The following TRERF1 variants were observed in gnomAD, a reference collection of about 807,000 sequenced individuals.
The protein encoded by TRERF1 is transcriptional-regulating factor 1.
TRERF1 carries 27 observed loss-of-function variants against 122.9 expected under a neutral mutation model. That is an observed-to-expected ratio of 0.22 (90% CI 0.16 to 0.30). The LOEUF (loss-of-function observed/expected upper bound fraction) is 0.30. Ranked by LOEUF, TRERF1 falls within the 10% of genes least tolerant of loss-of-function variation. The pLI, the probability that TRERF1 is intolerant of heterozygous loss-of-function variation, is 1.00. For missense variants in TRERF1, 1,248 were observed against 1,560.3 expected, an observed-to-expected ratio of 0.80 and a Z score of 3.37; for synonymous variants, 636 against 641.7, an observed-to-expected ratio of 0.99 and a Z score of 0.13.
intron 12 of TRERF1, among the ~76,000 whole-genome samples, chr6:42,255,824 T>C (rs879537463): frequency 1.3e-4 from 20 of 152,208 alleles, no homozygotes; most frequent in Non-Finnish European, 2.5e-4. Flanking sequence ...AGTGATTGAG[T>C]GATCTGGTCA....
chr6:42,245,512 C>T (rs1300464208), intron 14 of TRERF1, among the ~76,000 whole-genome samples: 1 of 152,192 alleles, frequency 6.6e-6, no homozygotes, highest in Non-Finnish European at 1.5e-5. Flanking sequence ...GGCTTTAACA[C>T]AATATGGCTC....
At chr6:42,320,020 G>A (rs903622295) in intron 3 of TRERF1, among the ~76,000 whole-genome samples, 6 of 151,596 alleles carry the variant, frequency 4.0e-5, no homozygotes, top group Admixed American at 3.9e-4. Flanking sequence ...TTCTGCTTCA[G>A]CCTCCCGAAT....
Position 42,232,580 on chromosome 6 carries a change from C to CT in TRERF1, c.3278+100dup. ...GAAGAAGAGTTTTGAGGTCTAAGTT[C>CT]TTTTTTCTGATTGAAGAAACCTCAG... On this transcript the variant is annotated intron_variant, in intron 17 of 17. Coordinates refer to ENST00000372922, the Ensembl canonical transcript of TRERF1. The surrounding 1 kb of genome is among the most constrained non-coding windows in gnomAD (Gnocchi z 4.5). The CT allele has an allele frequency of 7.1e-7, 1 of 1,417,420 alleles. No homozygotes were observed. 87.8% of individuals were successfully genotyped at this position (1,417,420 alleles called of 1,614,324 possible).
Position 42,259,764 on chromosome 6 carries a change from C to G in TRERF1, c.1885-41G>C. 6.3e-7 allele frequency: 1 copy of G among 1,597,848 alleles called. No individual in the cohort carries two copies. Among genetic ancestry groups the G allele is most frequent in the Non-Finnish European group, 8.5e-7 (1 of 1,179,120 alleles). On this transcript the variant is annotated intron_variant, in intron 8 of 17. Coordinates refer to ENST00000372922, the Ensembl canonical transcript of TRERF1. The surrounding 1 kb of genome is among the most constrained non-coding windows in gnomAD (Gnocchi z 4.9). The stretch of plus-strand genomic sequence containing the variant: ...CGATCTGATTCGAATACTTCAGCTT[C>G]CCCCGCAGGCCATTTCCACAGGTTC...
chr6:42,292,895 C>T (rs556136833), intron 4 of TRERF1, among the ~76,000 whole-genome samples: 40 of 152,280 alleles, frequency 2.6e-4, no homozygotes, highest in Non-Finnish European at 4.3e-4. Context: ...TATTCTACTT[C>T]GTTTTCTGTT....
chr6:42,312,656 T>A (rs1357403091), intron 3 of TRERF1, among the ~76,000 whole-genome samples: 1 of 152,150 alleles, frequency 6.6e-6, no homozygotes, highest in African/African-American at 2.4e-5. Context: ...AGATGCTCCA[T>A]CCTCCACGGG....
intron 2 of TRERF1, among the ~76,000 whole-genome samples, chr6:42,403,930 G>A (rs1779792867): frequency 6.6e-6 from 1 of 150,730 alleles, no homozygotes; most frequent in Non-Finnish European, 1.5e-5. Context: ...AATTCCATGA[G>A]ACCCCCCCCA....
At chr6:42,251,408 G>A (rs1775796706) in intron 13 of TRERF1, among the ~76,000 whole-genome samples, 1 of 152,142 alleles carries the variant, frequency 6.6e-6, no homozygotes, top group Admixed American at 6.5e-5. Context: ...GTGGGTGAAG[G>A]TTGAGTAATT....
chr6:42,341,774 T>C (rs147071579), intron 3 of TRERF1, among the ~76,000 whole-genome samples: 4 of 152,304 alleles, frequency 2.6e-5, no homozygotes, highest in Non-Finnish European at 4.4e-5. Flanking sequence ...GTTACCATAA[T>C]CCACTGGCAC....
At chr6:42,338,434 A>G (rs1027824332) in intron 3 of TRERF1, among the ~76,000 whole-genome samples, 1 of 152,232 alleles carries the variant, frequency 6.6e-6, no homozygotes, top group Admixed American at 6.5e-5. Context: ...GAAATTCAAA[A>G]TGGTGCTAAA....
chr6:42,265,234 C>T (rs1288906685), intron 6 of TRERF1, among the ~76,000 whole-genome samples: 1 of 152,228 alleles, frequency 6.6e-6, no homozygotes, highest in Admixed American at 6.5e-5. Context: ...CCTGGGGCAG[C>T]CGCCGTACTG....
At chr6:42,394,396 C>CAGT (rs1778235631) in intron 2 of TRERF1, among the ~76,000 whole-genome samples, 1 of 152,186 alleles carries the variant, frequency 6.6e-6, no homozygotes, top group South Asian at 2.1e-4. Context: ...CAGGCACAGC[C>CAGT]AGTAATTCAT....
chr6:42,405,117 C>T (rs1225832384), intron 2 of TRERF1, among the ~76,000 whole-genome samples: 1 of 152,132 alleles, frequency 6.6e-6, no homozygotes, highest in Admixed American at 6.5e-5. Flanking sequence ...GTGCTGTTAT[C>T]ACTGCCACTT....
intron 3 of TRERF1, among the ~76,000 whole-genome samples, chr6:42,333,998 T>TACACACAC (rs3997687): frequency 1.1e-4 from 16 of 147,172 alleles, no homozygotes; most frequent in African/African-American, 2.0e-4. Context: ...ACACATACAC[T>TACACACAC]ACACACACAC....
chr6:42,326,120 C>T (rs1764245288), intron 3 of TRERF1, among the ~76,000 whole-genome samples: 1 of 152,090 alleles, frequency 6.6e-6, no homozygotes, highest in Admixed American at 6.5e-5. Flanking sequence ...CAGCAACACA[C>T]ACTATACCCT....
intron 4 of TRERF1, among the ~76,000 whole-genome samples, chr6:42,289,192 G>A (rs1783838914): frequency 6.6e-6 from 1 of 151,936 alleles, no homozygotes; most frequent in Non-Finnish European, 1.5e-5. Context: ...TGGGTGTGGT[G>A]GCACATACCT....
At chr6:42,343,224 C>T (rs910237129) in intron 3 of TRERF1, among the ~76,000 whole-genome samples, 2 of 152,174 alleles carry the variant, frequency 1.3e-5, no homozygotes, top group African/African-American at 2.4e-5. Context: ...TATAGACTGC[C>T]AATTTCCCAG....
chr6:42,405,173 A>G (rs1779983721), intron 2 of TRERF1, among the ~76,000 whole-genome samples: 1 of 152,220 alleles, frequency 6.6e-6, no homozygotes, highest in Admixed American at 6.5e-5. Flanking sequence ...CTCTGACTCA[A>G]AGTCTTACAA....
rs1169421505 is a variant in TRERF1, at chr6:42,287,036, G to A, written c.-259+13602C>T. Among the ~76,000 whole-genome samples, 74 of 146,758 alleles carry A rather than the reference G, an allele frequency of 5.0e-4. No homozygotes were observed. In the South Asian group the frequency reaches 6.3e-3, roughly 12 times the overall value. Reference sequence around the variant, plus strand: ...AAATCATCATTCTCAGTAAACTATCGCAAGAACAAAAAAACAAACGCCGCA... The same window carrying A: ...AAATCATCATTCTCAGTAAACTATCACAAGAACAAAAAAACAAACGCCGCA... On this transcript the variant is annotated intron_variant, in intron 4 of 17. Transcript: ENST00000372922.
Sources: allele counts gnomAD v4.1 joint callset (sites outside exome capture counted in the v4.1 genomes callset), GRCh38; gene constraint gnomAD v4.1.1; non-coding constraint Gnocchi (gnomAD v3.1); transcripts MANE v1.5; gene names NCBI Gene and HGNC (gene_info 2026-07-23, HGNC 2026-07-21).